The following ZYG11A variants were observed in gnomAD, a reference collection of about 807,000 sequenced individuals.
ZYG11A encodes the protein zyg-11 family member A, cell cycle regulator, also known as protein zyg-11 homolog A.
A neutral mutation model predicts 77.2 loss-of-function variants in ZYG11A; 62 were observed. The ratio of observed to expected loss-of-function variants is 0.80; its 90% confidence interval spans 0.65 to 0.99. ZYG11A has a LOEUF of 0.99. ZYG11A is among the 50% of genes least tolerant of loss of function. The pLI, the probability that ZYG11A is intolerant of heterozygous loss-of-function variation, is 0.00. For missense variants in ZYG11A, 828 were observed against 896.8 expected, an observed-to-expected ratio of 0.92 and a Z score of 0.98; for synonymous variants, 315 against 324.6, an observed-to-expected ratio of 0.97 and a Z score of 0.32.
chr1:52,852,176 AG>A (rs1160894100), intron 1 of ZYG11A, among the ~76,000 whole-genome samples: 1 of 150,502 alleles, frequency 6.6e-6, no homozygotes, highest in African/African-American at 2.5e-5. Context: ...AGCCTCCCAA[AG>A]TGCTGGGATT....
intron 3 of ZYG11A, among the ~76,000 whole-genome samples, chr1:52,858,558 G>GC (rs1367591593): frequency 6.6e-6 from 1 of 151,584 alleles, no homozygotes; most frequent in East Asian, 2.0e-4. Flanking sequence ...GCCTGCCTCG[G>GC]CCTCCCAAAG....
At chr1:52,887,193 G>T (rs958733236) in intron 13 of ZYG11A, 140 bp downstream of exon 13, 1 of 402,020 alleles carries the variant, frequency 2.5e-6, no homozygotes, top group African/African-American at 2.0e-5. Context: ...ACTGAAAAAA[G>T]ATATTACTAG....
At chr1:52,883,558 G>A (rs770590309) in intron 11 of ZYG11A, among the ~76,000 whole-genome samples, 7 of 150,624 alleles carry the variant, frequency 4.6e-5, no homozygotes, top group East Asian at 2.0e-4. Context: ...CTCCCAAGTC[G>A]CTGGACTACA....
At chr1:52,885,310 T>TTTG (rs1557457896) in intron 11 of ZYG11A, among the ~76,000 whole-genome samples, 3 of 150,538 alleles carry the variant, frequency 2.0e-5, no homozygotes, top group African/African-American at 4.9e-5. Context: ...TGGTTTGTGT[T>TTTG]TTTTGTTTTG....
chr1:52,875,800 C>G (rs1571870390), intron 8 of ZYG11A, among the ~76,000 whole-genome samples: 1 of 149,518 alleles, frequency 6.7e-6, no homozygotes, highest in East Asian at 2.0e-4. Flanking sequence ...TATGTTGATG[C>G]AAATGCAAGT....
At chr1:52,873,244 T>G (rs1465606293) in intron 8 of ZYG11A, among the ~76,000 whole-genome samples, 2 of 152,148 alleles carry the variant, frequency 1.3e-5, no homozygotes, top group African/African-American at 4.8e-5. Context: ...CCCAGGGAGA[T>G]TGAAGCTGCA....
At position 52,894,440 on chromosome 1, in the gene ZYG11A, A is replaced by G. The variant is rs996902044; in HGVS notation, c.*1483A>G. 2 of 152,232 alleles carry G rather than the reference A, an allele frequency of 1.3e-5. No homozygotes were observed. The highest frequency in any genetic ancestry group is 2.1e-4 in the South Asian group (1 of 4,832). 9.4% of individuals were successfully genotyped at this position (152,232 alleles called of 1,614,324 possible). On this transcript the variant is annotated 3_prime_UTR_variant, in exon 14 of 14. Coordinates refer to ENST00000371528, the MANE Select transcript of ZYG11A (RefSeq NM_001004339.3). ...ATAAACTATATCAGAAGCTTACTTG[A>G]TAAGCCTTGCGGAGCTGCTCTGAGG... is the stretch of plus-strand genomic sequence containing the variant.
chr1:52,867,958 CTTTTTTTTTTTT>C (rs1050261180), intron 8 of ZYG11A, among the ~76,000 whole-genome samples, 181 bp downstream of exon 8: 3 of 98,164 alleles, frequency 3.1e-5, no homozygotes, highest in East Asian at 5.2e-4. Context: ...CTCCACATTT[CTTTTTTTTTTTT>C]TTTTTTTTTT....
chr1:52,886,481 A>G (rs186609650), intron 12 of ZYG11A, among the ~76,000 whole-genome samples: 1 of 152,312 alleles, frequency 6.6e-6, no homozygotes, highest in African/African-American at 2.4e-5. Context: ...GCTCGGTCAC[A>G]GGGAGAAGTT....
At position 52,855,994 on chromosome 1, in the gene ZYG11A, T is replaced by C. The variant is rs370051388; in HGVS notation, c.257-1004T>C. Among the ~76,000 whole-genome samples, 10 of 152,314 alleles carry C rather than the reference T, an allele frequency of 6.6e-5. No individual in the cohort carries two copies. In the East Asian group the frequency reaches 1.9e-3, roughly 29 times the overall value. On this transcript the variant is annotated intron_variant, in intron 2 of 13. Coordinates refer to ENST00000371528, the MANE Select transcript of ZYG11A (RefSeq NM_001004339.3). ...TAAGTTTTCATTTCTCTGAGTGAAATTGCTGGATCAAATGGTAACTCATTA... is the reference window on the plus strand; with the variant it reads ...TAAGTTTTCATTTCTCTGAGTGAAACTGCTGGATCAAATGGTAACTCATTA...
At chr1:52,866,406 A>G in intron 5 of ZYG11A, 97 bp from the exon 6 acceptor site, 4 of 628,552 alleles carry the variant, frequency 6.4e-6, no homozygotes, top group Non-Finnish European at 1.1e-5. Context: ...GCTCTCAATA[A>G]GAAAAGCTCA....
chr1:52,889,813 G>A (rs1036372616), intron 13 of ZYG11A, among the ~76,000 whole-genome samples: 5 of 151,014 alleles, frequency 3.3e-5, no homozygotes, highest in Admixed American at 6.6e-5. Context: ...CCGGGTTCAC[G>A]CCATTCTCCT....
chr1:52,856,718 T>TC (rs11394031), intron 2 of ZYG11A, among the ~76,000 whole-genome samples: 73,836 of 151,876 alleles, frequency 0.49, 19,178 homozygotes, highest in Non-Finnish European at 0.59. Context: ...TGGGGTTGAC[T>TC]CCTGATTCTG....
chr1:52,857,625 G>A lies in ZYG11A; in HGVS notation c.884G>A (p.Gly295Asp). ...PNVVSLDISG[G>D]NCITDEAVEL... ...GTTGTGTCATTGGATATTTCTGGGG[G>A]CAATTGCATCACTGATGAAGCTGTA... The change falls in exon 3 of 14, where the codon GGC becomes GAC. Residue 295 changes from glycine (G) to aspartate (D), a missense_variant. By Grantham distance (94) the Gly-to-Asp change is moderately conservative. Transcript: ENST00000371528. 2 of 1,552,012 alleles carry A rather than the reference G, an allele frequency of 1.3e-6. No individual in the cohort carries two copies. The highest frequency in any genetic ancestry group is 2.0e-5 in the Admixed American group (1 of 50,980).
intron 1 of ZYG11A, among the ~76,000 whole-genome samples, chr1:52,845,307 C>CT (rs34851064): frequency 0.5 from 65,071 of 130,732 alleles, 17,583 homozygotes; most frequent in Non-Finnish European, 0.61. Context: ...ATGGTCTGTG[C>CT]TTTTTTTTTT....
intron 1 of ZYG11A, among the ~76,000 whole-genome samples, chr1:52,847,903 T>C (rs537527275): frequency 6.6e-6 from 1 of 151,056 alleles, no homozygotes; most frequent in Non-Finnish European, 1.5e-5. Context: ...GGAGTCTCGC[T>C]CTGTCGCCTA....
intron 3 of ZYG11A, 101 bp from the exon 4 acceptor site, chr1:52,860,630 T>C (rs1339336990): frequency 1.6e-6 from 2 of 1,262,888 alleles, no homozygotes; most frequent in South Asian, 1.5e-5. Flanking sequence ...CATTTGTTGT[T>C]ATTGTCTTAA....
chr1:52,866,437 A>G (rs957543364), intron 5 of ZYG11A, 66 bp from the exon 6 acceptor site: 20 of 920,318 alleles, frequency 2.2e-5, no homozygotes, highest in African/African-American at 1.7e-4. Flanking sequence ...TTCCAAATAC[A>G]TGGAATCTTT....
At chr1:52,860,616 T>C (rs1571849129) in intron 3 of ZYG11A, 115 bp from the exon 4 acceptor site, 1 of 1,165,718 alleles carries the variant, frequency 8.6e-7, no homozygotes, top group East Asian at 2.6e-5. Flanking sequence ...AACATTTAAT[T>C]GAACATTTGT....
Sources: gnomAD v4.1 joint callset for allele counts (sites outside exome capture counted in the v4.1 genomes callset) on GRCh38, gnomAD v4.1.1 for gene constraint, MANE v1.5 for transcripts, NCBI Gene and HGNC (gene_info 2026-07-23, HGNC 2026-07-21) for gene names.